The following GTF3C1 variants were observed in gnomAD, a reference collection of about 807,000 sequenced individuals.
GTF3C1 encodes general transcription factor 3C polypeptide 1.
In GTF3C1, 57 loss-of-function variants were observed where a neutral mutation model predicts 226.7. The ratio of observed to expected loss-of-function variants is 0.25; its 90% CI spans 0.20 to 0.31. The LOEUF is 0.31. Among genes scored for constraint, GTF3C1 ranks in the 10% least tolerant of loss-of-function variants. GTF3C1 has a pLI of 1.00. For synonymous variants in GTF3C1, 1,090 were observed against 1,084.8 expected, an observed-to-expected ratio of 1.00 and a Z score of -0.09; for missense variants, 2,217 against 2,776.1, an observed-to-expected ratio of 0.80 and a Z score of 4.53.
intron 29 of GTF3C1, among the ~76,000 whole-genome samples, chr16:27,472,283 A>G (rs1417915974): frequency 6.6e-6 from 1 of 152,118 alleles, no homozygotes; most frequent in Non-Finnish European, 1.5e-5. Flanking sequence ...TTGGCCTCCC[A>G]CCCAGCCAAA....
rs757757998 is a variant in GTF3C1, at chr16:27,537,735, A to C, written c.752+49T>G. 4.3e-6 allele frequency: 6 copies of C among 1,407,780 alleles called. No homozygotes were observed. The East Asian group carries it at 1.1e-4, about 27-fold the overall frequency. The allele number at this position is 1,407,780 out of a possible 1,614,324, so 87.2% of individuals were successfully genotyped here. A position where few individuals can be genotyped will look rare whatever the true frequency, so the allele number is the denominator to read the frequency against. ...CCCTACAATTTTTAAAGCATACTAC[A>C]CATGGCTGCAACTAAAAAACCTAAT... On this transcript the variant is annotated intron_variant, in intron 4 of 36. Coordinates refer to ENST00000356183, the MANE Select transcript of GTF3C1 (RefSeq NM_001520.4).
At chr16:27,532,535 TC>T (rs2088932756) in intron 5 of GTF3C1, among the ~76,000 whole-genome samples, 1 of 152,120 alleles carries the variant, frequency 6.6e-6, no homozygotes, top group African/African-American at 2.4e-5. Flanking sequence ...TGGAAGCAGC[TC>T]CCCTCCGCCT....
At chr16:27,530,063 C>T (rs569583237) in intron 5 of GTF3C1, among the ~76,000 whole-genome samples, 2 of 152,282 alleles carry the variant, frequency 1.3e-5, no homozygotes, top group East Asian at 3.9e-4. Context: ...GAGCGAATGG[C>T]AGGAGGCACT....
intron 10 of GTF3C1, among the ~76,000 whole-genome samples, chr16:27,504,937 A>G (rs955398112): frequency 6.6e-6 from 1 of 152,160 alleles, no homozygotes; most frequent in Non-Finnish European, 1.5e-5. Flanking sequence ...TCTCAAAAAA[A>G]TTAATTAATT....
rs2088496441 is a variant in GTF3C1, at chr16:27,507,027, G to A, written c.1372C>T (p.Leu458=). The A allele has an allele frequency of 6.2e-7, 1 of 1,613,934 alleles. No individual in the cohort carries two copies. Among genetic ancestry groups the A allele is most frequent in the South Asian group, 1.1e-5 (1 of 91,064 alleles). Residue 458 remains leucine, a synonymous_variant, in exon 9 of 37, where the codon CTG becomes TTG. Transcript: ENST00000356183. The surrounding 1 kb of genome is among the most constrained non-coding windows in gnomAD (Gnocchi z 4.9). ...AGCGACTCCTCCTGCATAGACGCCA[G>A]GCTCACGGTGGTCAAGAGCTCGCTG... ...ARSELLTTVS[L]ASMQEESLLP...
intron 16 of GTF3C1, among the ~76,000 whole-genome samples, chr16:27,494,439 G>A (rs758939188): frequency 7.4e-4 from 112 of 150,414 alleles, no homozygotes; most frequent in Middle Eastern, 3.5e-3. Context: ...AAAAAACCAC[G>A]TTTTATTGTT....
chr16:27,488,980 GA>G, intron 21 of GTF3C1, 62 bp downstream of exon 21: 1 of 1,474,464 alleles, frequency 6.8e-7, no homozygotes, highest in Non-Finnish European at 9.5e-7. Context: ...GTCAGGCAGG[GA>G]GGGACAGGAG....
chr16:27,514,237 GCTT>G (rs892241805), intron 6 of GTF3C1, among the ~76,000 whole-genome samples: 1 of 152,230 alleles, frequency 6.6e-6, no homozygotes, highest in Non-Finnish European at 1.5e-5. Context: ...TGAAGACTCT[GCTT>G]CTGCTGGCTC....
At chr16:27,480,024 C>T (rs913782994) in intron 27 of GTF3C1, among the ~76,000 whole-genome samples, 1 of 151,832 alleles carries the variant, frequency 6.6e-6, no homozygotes, top group Non-Finnish European at 1.5e-5. Flanking sequence ...CACGGTGAAA[C>T]CCCGTCTCTA....
At chr16:27,473,316 C>T (rs745834454) in intron 29 of GTF3C1, among the ~76,000 whole-genome samples, 26 of 152,218 alleles carry the variant, frequency 1.7e-4, no homozygotes, top group Non-Finnish European at 2.9e-4. Flanking sequence ...ACCTGGGCCC[C>T]GCCTAGTGAA....
At chr16:27,475,575 G>A (rs1567387604) in intron 29 of GTF3C1, among the ~76,000 whole-genome samples, 1 of 152,026 alleles carries the variant, frequency 6.6e-6, no homozygotes. Context: ...TGAGATATGT[G>A]GTCTTGGGTG....
chr16:27,521,260 C>A (rs1368973070), intron 6 of GTF3C1, among the ~76,000 whole-genome samples: 1 of 152,272 alleles, frequency 6.6e-6, no homozygotes, highest in East Asian at 1.9e-4. Context: ...TTCGACTCTT[C>A]CTAGCGCAGG....
At position 27,470,719 on chromosome 16, in the gene GTF3C1, G is replaced by T; in HGVS notation, c.4527-324C>A. 1 of 328,522 alleles carries T rather than the reference G, an allele frequency of 3.0e-6. No homozygotes were observed. The highest frequency in any genetic ancestry group is 5.7e-6 in the Non-Finnish European group (1 of 176,198). 20.4% of individuals were successfully genotyped at this position (328,522 alleles called of 1,614,324 possible). On this transcript the variant is annotated intron_variant, in intron 30 of 36. Coordinates refer to ENST00000356183, the MANE Select transcript of GTF3C1 (RefSeq NM_001520.4). The surrounding 1 kb of genome is among the most constrained non-coding windows in gnomAD (Gnocchi z 4.9). Reference sequence around the variant, plus strand: ...TCACTGTACACAGCTGCTGAACTAGGGATGGTGAACACGCTTTCTGTAATA... The same window carrying T: ...TCACTGTACACAGCTGCTGAACTAGTGATGGTGAACACGCTTTCTGTAATA...
chr16:27,541,848 C>A (rs553807083), intron 2 of GTF3C1, among the ~76,000 whole-genome samples: 1 of 152,076 alleles, frequency 6.6e-6, no homozygotes, highest in African/African-American at 2.4e-5. Flanking sequence ...GGAGCACACA[C>A]GAACACAACA....
chr16:27,513,048 G>A (rs1371483615), intron 6 of GTF3C1, among the ~76,000 whole-genome samples: 1 of 152,216 alleles, frequency 6.6e-6, no homozygotes, highest in East Asian at 1.9e-4. Flanking sequence ...CTTGGCAGAA[G>A]TGATTAAATT....
intron 6 of GTF3C1, among the ~76,000 whole-genome samples, chr16:27,512,926 C>A (rs758277900): frequency 6.6e-6 from 1 of 152,152 alleles, no homozygotes; most frequent in Non-Finnish European, 1.5e-5. Context: ...AACATGAACA[C>A]CAAGATATCC....
At chr16:27,532,930 C>T (rs768795893) in intron 5 of GTF3C1, among the ~76,000 whole-genome samples, 2 of 152,090 alleles carry the variant, frequency 1.3e-5, no homozygotes, top group Non-Finnish European at 2.9e-5. Flanking sequence ...GTCAGGGGTT[C>T]AAGACCAGCT....
intron 7 of GTF3C1, among the ~76,000 whole-genome samples, chr16:27,508,901 C>T (rs577757913): frequency 6.6e-5 from 10 of 152,250 alleles, no homozygotes; most frequent in Non-Finnish European, 7.4e-5. Flanking sequence ...CATGGCCCCA[C>T]GTTAAAACAC....
chr16:27,505,593 C>T (rs1393536447), intron 10 of GTF3C1, among the ~76,000 whole-genome samples: 1 of 152,176 alleles, frequency 6.6e-6, no homozygotes, highest in Admixed American at 6.5e-5. Context: ...TGGGTAAGAA[C>T]CATTGATCTA....
Sources: allele counts gnomAD v4.1 joint callset (sites outside exome capture counted in the v4.1 genomes callset), GRCh38; gene constraint gnomAD v4.1.1; non-coding constraint Gnocchi (gnomAD v3.1); transcripts MANE v1.5; gene names NCBI Gene and HGNC (gene_info 2026-07-23, HGNC 2026-07-21).